The following CWF19L2 variants were observed in gnomAD, a reference collection of about 807,000 sequenced individuals.
CWF19L2 encodes CWF19 like cell cycle control factor 2.
A neutral mutation model predicts 111.7 loss-of-function variants in CWF19L2; 98 were observed. That is an observed-to-expected ratio of 0.88 (90% CI 0.75 to 1.04). The LOEUF is 1.04. Ranked by LOEUF, CWF19L2 falls within the 50% of genes least tolerant of loss-of-function variation. The pLI is 0.00. For missense variants in CWF19L2, 1,101 were observed against 1,051.4 expected (o/e 1.05, Z -0.65); for synonymous variants, 351 against 342.9 (o/e 1.02, Z -0.26).
At chr11:107,400,680 A>G (rs1341395921) in intron 10 of CWF19L2, among the ~76,000 whole-genome samples, 2 of 152,192 alleles carry the variant, frequency 1.3e-5, no homozygotes, top group African/African-American at 2.4e-5. Context: ...ATTTCACAAG[A>G]TAGAGAAAGA....
At position 107,364,288 on chromosome 11, in the gene CWF19L2, C is replaced by A. The variant is rs1285975492; in HGVS notation, c.1873-10552G>T. 3.4e-4 allele frequency among the ~76,000 whole-genome samples: 50 copies of A among 145,684 alleles called. 2 individuals are homozygous for A. The highest frequency in any genetic ancestry group is 1.2e-3 in the African/African-American group (45 of 38,328). On this transcript the variant is annotated intron_variant, in intron 12 of 17. Transcript: ENST00000282251. The stretch of plus-strand genomic sequence containing the variant: ...ACGAGACAGAAAGTCAACAAGGATA[C>A]CCAGGAATTGAACTCAGCTCTGCCT...
Position 107,439,142 on chromosome 11 carries a change from ATCCT to A in CWF19L2, c.608_611del (p.Lys203MetfsTer22). The A allele has an allele frequency of 6.2e-7, 1 of 1,610,552 alleles. No individual in the cohort carries two copies. Among genetic ancestry groups the A allele is most frequent in the African/African-American group, 1.3e-5 (1 of 74,786 alleles). ...CTTCAGGTGGAAGACCTGTCCCACC[ATCCT>A]TCCAGTACGGATTCAATTCTCTTTC... On this transcript the variant is annotated frameshift_variant, in exon 6 of 18. Transcript: ENST00000282251. LOFTEE classifies it high-confidence loss of function.
At chr11:107,369,378 T>C (rs1489960382) in intron 12 of CWF19L2, among the ~76,000 whole-genome samples, 2 of 137,620 alleles carry the variant, frequency 1.5e-5, no homozygotes, top group African/African-American at 5.8e-5. Context: ...CAATAAATAG[T>C]TGTTGCATTT....
intron 16 of CWF19L2, among the ~76,000 whole-genome samples, chr11:107,331,154 AATC>A (rs1859844632): frequency 6.6e-6 from 1 of 152,314 alleles, no homozygotes; most frequent in African/African-American, 2.4e-5. Flanking sequence ...TAAATATAAT[AATC>A]ATGTTATGAC....
chr11:107,407,426 A>G (rs1481039183), intron 10 of CWF19L2, among the ~76,000 whole-genome samples: 1 of 152,034 alleles, frequency 6.6e-6, no homozygotes, highest in Non-Finnish European at 1.5e-5. Flanking sequence ...TGGAAACAGA[A>G]CATATATGAA....
At chr11:107,344,701 A>G (rs1364076948) in intron 14 of CWF19L2, among the ~76,000 whole-genome samples, 1 of 152,182 alleles carries the variant, frequency 6.6e-6, no homozygotes, top group Non-Finnish European at 1.5e-5. Context: ...CATCTCTGTT[A>G]TCTTGGTGTT....
At chr11:107,372,251 G>C (rs1265956288) in intron 12 of CWF19L2, among the ~76,000 whole-genome samples, 1 of 135,894 alleles carries the variant, frequency 7.4e-6, no homozygotes, top group African/African-American at 3.0e-5. Context: ...GGCAATTTGA[G>C]ATGCTAACAG....
rs150731451 is a variant in CWF19L2 at position 107,383,349 on chromosome 11, C to T, written c.1872+6725G>A. 1.2e-3 allele frequency among the ~76,000 whole-genome samples: 183 copies of T among 152,116 alleles called. 3 individuals are homozygous for T. Among genetic ancestry groups the T allele is most frequent in the African/African-American group, 3.8e-3 (156 of 41,482 alleles). ...GGAACTGAATTAGAGGACATCTTGC[C>T]AGTGTCCACTGCTCGGTGCGTGGAG... On this transcript the variant is annotated intron_variant, in intron 12 of 17. Transcript: ENST00000282251.
intron 13 of CWF19L2, among the ~76,000 whole-genome samples, chr11:107,349,788 GACAA>G (rs1367893734): frequency 6.6e-6 from 1 of 151,998 alleles, no homozygotes; most frequent in Non-Finnish European, 1.5e-5. Flanking sequence ...AAACTTTGCT[GACAA>G]ACAACAAAGT....
intron 3 of CWF19L2, among the ~76,000 whole-genome samples, chr11:107,445,431 C>G (rs892528953): frequency 3.3e-5 from 5 of 152,046 alleles, no homozygotes; most frequent in African/African-American, 1.2e-4. Flanking sequence ...TGGTGAAACC[C>G]CATCTCTACT....
chr11:107,433,203 T>C (rs992341575), intron 7 of CWF19L2, among the ~76,000 whole-genome samples: 3 of 152,118 alleles, frequency 2.0e-5, no homozygotes, highest in South Asian at 4.1e-4. Context: ...ATGGGGAAAC[T>C]GGTTCTAAAA....
intron 8 of CWF19L2, among the ~76,000 whole-genome samples, chr11:107,427,871 T>C (rs1346401112): frequency 6.8e-6 from 1 of 146,464 alleles, no homozygotes; most frequent in African/African-American, 2.5e-5. Flanking sequence ...TTTTGCCAGC[T>C]CCCTCCCACC....
chr11:107,454,338 A>T (rs1037466577), intron 3 of CWF19L2, 112 bp downstream of exon 3: 1 of 804,976 alleles, frequency 1.2e-6, no homozygotes, highest in Non-Finnish European at 1.7e-6. Context: ...TTTTCATATC[A>T]TAACTAGTAA....
rs1278396073 is a variant in CWF19L2 at position 107,370,471 on chromosome 11, T to C, written c.1873-16735A>G. Among the ~76,000 whole-genome samples, 2 of 135,520 alleles carry C rather than the reference T, an allele frequency of 1.5e-5. 1 individual carries two copies. Among genetic ancestry groups the C allele is most frequent in the Non-Finnish European group, 3.1e-5 (2 of 63,766 alleles). 88.9% of individuals were successfully genotyped at this position (135,520 alleles called of 152,430 possible). On this transcript the variant is annotated intron_variant, in intron 12 of 17. Coordinates refer to ENST00000282251, the MANE Select transcript of CWF19L2 (RefSeq NM_152434.3). ...TTGTTCCTCACAAAAGATTTGAGAA[T>C]TAAAACTAACATATTAGAGAGAGAA...
At chr11:107,411,345 GT>G (rs1861155113) in intron 10 of CWF19L2, among the ~76,000 whole-genome samples, 2 of 152,090 alleles carry the variant, frequency 1.3e-5, no homozygotes, top group Admixed American at 1.3e-4. Flanking sequence ...TAAAAGTATA[GT>G]AATAGCTCTG....
intron 8 of CWF19L2, among the ~76,000 whole-genome samples, chr11:107,424,442 C>T (rs1861346358): frequency 7.7e-6 from 1 of 129,590 alleles, no homozygotes. Context: ...GGCTTCTATA[C>T]ACCCTTTTAT....
intron 7 of CWF19L2, among the ~76,000 whole-genome samples, chr11:107,431,111 T>C (rs596548): frequency 1.1e-4 from 16 of 152,178 alleles, no homozygotes; most frequent in Admixed American, 9.8e-4. Context: ...GTCATTATTT[T>C]GTCTTTAGAC....
rs1162367457 is a variant in CWF19L2, at chr11:107,454,017, G to GT, written c.339+432dup. On this transcript the variant is annotated intron_variant, in intron 3 of 17. Coordinates refer to ENST00000282251, the MANE Select transcript of CWF19L2 (RefSeq NM_152434.3). ...ATAGAACACCAGGTACAAGTCTAAG[G>GT]TTTTTGACGCCAGTACCTGGGTCCC... 2.0e-5 allele frequency among the ~76,000 whole-genome samples: 3 copies of GT among 152,258 alleles called. No individual in the cohort carries two copies. The East Asian group carries it at 5.8e-4, about 29-fold the overall frequency.
chr11:107,330,635 C>G (rs1859832439), intron 16 of CWF19L2, among the ~76,000 whole-genome samples: 1 of 128,538 alleles, frequency 7.8e-6, no homozygotes, highest in African/African-American at 3.2e-5. Flanking sequence ...TCTACACACA[C>G]CCCCCCCACC....
Sources: gnomAD v4.1 joint callset for allele counts (sites outside exome capture counted in the v4.1 genomes callset) on GRCh38, gnomAD v4.1.1 for gene constraint, MANE v1.5 for transcripts, NCBI Gene and HGNC (gene_info 2026-07-23, HGNC 2026-07-21) for gene names.